The following CNTNAP2 variants were observed in gnomAD, a reference collection of about 807,000 sequenced individuals.
The protein encoded by CNTNAP2 is contactin associated protein 2.
CNTNAP2 carries 98 observed loss-of-function variants against 155.2 expected under a neutral mutation model. That is an observed-to-expected ratio of 0.63 (90% CI 0.54 to 0.75). The LOEUF (loss-of-function observed/expected upper bound fraction) is 0.75. Ranked by LOEUF, CNTNAP2 falls within the 30% of genes least tolerant of loss-of-function variation. CNTNAP2 has a pLI of 0.00. For synonymous variants in CNTNAP2, 651 were observed against 631.2 expected, an observed-to-expected ratio of 1.03 and a Z score of -0.47; for missense variants, 1,727 against 1,688.1, an observed-to-expected ratio of 1.02 and a Z score of -0.40.
chr7:146,132,574 C>A (rs1470905862), intron 1 of CNTNAP2, among the ~76,000 whole-genome samples: 72 of 114,238 alleles, frequency 6.3e-4, no homozygotes, highest in African/African-American at 1.5e-3. Flanking sequence ...CCTCCCCCCA[C>A]CCCACAACAG....
chr7:147,602,359 ATT>A (rs35409223), intron 12 of CNTNAP2, among the ~76,000 whole-genome samples: 2,317 of 146,146 alleles, frequency 0.016, 37 homozygotes, highest in African/African-American at 0.046. Context: ...ACTTCAGTCT[ATT>A]TTTTTTTTTT....
intron 9 of CNTNAP2, 86 bp downstream of exon 9, chr7:147,300,376 T>C: frequency 1.4e-6 from 2 of 1,410,840 alleles, no homozygotes; most frequent in South Asian, 2.3e-5. Flanking sequence ...TATTTATATT[T>C]GACTCAACTG....
chr7:147,081,390 C>G lies in CNTNAP2; in HGVS notation c.551-26757C>G, dbSNP rs571168533. On this transcript the variant is annotated intron_variant, in intron 4 of 23. Coordinates refer to ENST00000361727, the MANE Select transcript of CNTNAP2 (RefSeq NM_014141.6). The stretch of plus-strand genomic sequence containing the variant: ...CAAAACCAAAACTGGCAATCCCAAC[C>G]ACTCATCACTTAAAAACTAAGAGAT... The G allele has an allele frequency of 2.9e-4, 44 of 151,554 alleles. 1 individual carries two copies. Among genetic ancestry groups the G allele is most frequent in the African/African-American group, 1.0e-3 (43 of 41,290 alleles). 9.4% of individuals were successfully genotyped at this position (151,554 alleles called of 1,614,324 possible).
intron 9 of CNTNAP2, among the ~76,000 whole-genome samples, chr7:147,388,409 G>T (rs1796656745): frequency 6.6e-6 from 1 of 152,178 alleles, no homozygotes; most frequent in Non-Finnish European, 1.5e-5. Context: ...TGCTTTGAGA[G>T]TGACCCTGTA....
chr7:148,222,495 T>G (rs375184352), intron 19 of CNTNAP2, among the ~76,000 whole-genome samples: 14 of 78,318 alleles, frequency 1.8e-4, no homozygotes, highest in African/African-American at 2.9e-4. Context: ...TCCATGAATC[T>G]ATGAATGGAT....
At chr7:147,547,289 T>C (rs1197295934) in intron 11 of CNTNAP2, among the ~76,000 whole-genome samples, 1 of 152,178 alleles carries the variant, frequency 6.6e-6, no homozygotes, top group African/African-American at 2.4e-5. Flanking sequence ...AGCCAGTATT[T>C]CAGCTGGTTG....
chr7:146,417,137 C>T lies in CNTNAP2; in HGVS notation c.97+300164C>T, dbSNP rs537881095. 6.6e-5 allele frequency among the ~76,000 whole-genome samples: 10 copies of T among 152,100 alleles called. No homozygotes were observed. The East Asian group carries it at 1.7e-3, about 27-fold the overall frequency. ...ACTATGTCTGTACATAGTTAACTAC[C>T]CTAAGGCACTTTAATTCTTGTCCAT... On this transcript the variant is annotated intron_variant, in intron 1 of 23. Transcript: ENST00000361727.
At chr7:146,434,945 G>T (rs933180284) in intron 1 of CNTNAP2, among the ~76,000 whole-genome samples, 3 of 152,134 alleles carry the variant, frequency 2.0e-5, no homozygotes, top group Non-Finnish European at 4.4e-5. Flanking sequence ...AATCAAAAGT[G>T]TGCAATTCAC....
intron 8 of CNTNAP2, among the ~76,000 whole-genome samples, chr7:147,293,644 T>C (rs2116754178): frequency 6.6e-6 from 1 of 152,300 alleles, no homozygotes; most frequent in Admixed American, 6.5e-5. Context: ...TGGTTTGCCA[T>C]TATATTTTAA....
intron 3 of CNTNAP2, among the ~76,000 whole-genome samples, chr7:146,971,967 C>T (rs1000977894): frequency 6.6e-6 from 1 of 152,184 alleles, no homozygotes; most frequent in East Asian, 1.9e-4. Flanking sequence ...AATACATGTT[C>T]ATCTTCGTGC....
intron 10 of CNTNAP2, among the ~76,000 whole-genome samples, chr7:147,451,460 T>C (rs1563208888): frequency 6.6e-6 from 1 of 152,148 alleles, no homozygotes; most frequent in African/African-American, 2.4e-5. Context: ...TACTGCTCAC[T>C]TTGTCACTAT....
chr7:148,241,446 C>G (rs1301288841), intron 20 of CNTNAP2, among the ~76,000 whole-genome samples: 2 of 152,204 alleles, frequency 1.3e-5, no homozygotes, highest in Admixed American at 6.5e-5. Context: ...GCTGTTGCCT[C>G]CATGAGCCCA....
At chr7:146,969,908 T>G (rs1206613784) in intron 3 of CNTNAP2, among the ~76,000 whole-genome samples, 1 of 152,132 alleles carries the variant, frequency 6.6e-6, no homozygotes, top group Non-Finnish European at 1.5e-5. Context: ...TAATGCCGCA[T>G]ATCTACAACT....
At chr7:148,233,431 G>C (rs1795995659) in intron 20 of CNTNAP2, among the ~76,000 whole-genome samples, 2 of 152,146 alleles carry the variant, frequency 1.3e-5, no homozygotes, top group African/African-American at 4.8e-5. Flanking sequence ...CAGGTCACAA[G>C]GTCTTACCAC....
intron 1 of CNTNAP2, among the ~76,000 whole-genome samples, chr7:146,602,845 G>A (rs1355674650): frequency 1.3e-5 from 2 of 152,122 alleles, no homozygotes; most frequent in Non-Finnish European, 1.5e-5. Flanking sequence ...TGTATAGGAT[G>A]GGGGAGACCA....
intron 1 of CNTNAP2, among the ~76,000 whole-genome samples, chr7:146,151,635 GATATATATATAT>G (rs1226681385): frequency 2.0e-3 from 74 of 36,408 alleles, no homozygotes; most frequent in Admixed American, 0.012. Context: ...AAGAAAACGT[GATATATATATAT>G]ATATATATAT....
chr7:146,892,909 A>G (rs926843734), intron 3 of CNTNAP2, among the ~76,000 whole-genome samples: 1 of 152,218 alleles, frequency 6.6e-6, no homozygotes, highest in Non-Finnish European at 1.5e-5. Context: ...AATCTTCTTG[A>G]GGACTCCAAC....
chr7:147,909,460 T>A (rs1800022016), intron 14 of CNTNAP2, among the ~76,000 whole-genome samples: 1 of 152,184 alleles, frequency 6.6e-6, no homozygotes, highest in Admixed American at 6.5e-5. Flanking sequence ...CAGAGCATGA[T>A]TGGGTCTCAC....
chr7:148,309,758 G>A (rs1797559550), intron 21 of CNTNAP2, among the ~76,000 whole-genome samples: 2 of 152,144 alleles, frequency 1.3e-5, no homozygotes, highest in African/African-American at 4.8e-5. Context: ...GCAGGAACCG[G>A]CCATCTGGAT....
Sources: gnomAD v4.1 joint callset for allele counts (sites outside exome capture counted in the v4.1 genomes callset) on GRCh38, gnomAD v4.1.1 for gene constraint, MANE v1.5 for transcripts, NCBI Gene and HGNC (gene_info 2026-07-23, HGNC 2026-07-21) for gene names.